The following RIMBP2 variants were observed in gnomAD, a reference collection of about 807,000 sequenced individuals.
RIMBP2 encodes the protein RIMS-binding protein 2.
A neutral mutation model predicts 118.6 loss-of-function variants in RIMBP2; 48 were observed. The observed-to-expected ratio is 0.40, with a 90% confidence interval of 0.32 to 0.51. The LOEUF is 0.51. Among genes scored for constraint, RIMBP2 ranks in the 20% least tolerant of loss-of-function variants. The pLI is 0.41. For missense variants in RIMBP2, 1,551 were observed against 1,768.3 expected, an observed-to-expected ratio of 0.88 and a Z score of 2.20; for synonymous variants, 762 against 742.9, an observed-to-expected ratio of 1.03 and a Z score of -0.42.
rs1213441352 is a variant in RIMBP2 at position 130,523,679 on chromosome 12, TCCA to T, written c.-216-5765_-216-5763del. Among the ~76,000 whole-genome samples the T allele has an allele frequency of 6.6e-6, 1 of 152,148 alleles. No individual in the cohort carries two copies. The highest frequency in any genetic ancestry group is 1.5e-5 in the Non-Finnish European group (1 of 68,010). On this transcript the variant is annotated intron_variant, in intron 2 of 22. Coordinates refer to ENST00000690449, the MANE Select transcript of RIMBP2 (RefSeq NM_001393629.1). This position sits in a 1 kb window ranked among gnomAD's most constrained non-coding sequence, Gnocchi z 4.4. ...CAATTTTATTCATTTCAATAATCCC[TCCA>T]CCACCACCACTGAGTGTGTATGTGT... is the stretch of plus-strand genomic sequence containing the variant.
At chr12:130,549,758 C>T (rs1301970179) in intron 2 of RIMBP2, among the ~76,000 whole-genome samples, 1 of 152,152 alleles carries the variant, frequency 6.6e-6, no homozygotes. Flanking sequence ...CAGTCTGTCA[C>T]TGATGGGTAC....
At chr12:130,535,728 CATATATAT>C (rs1219732658) in intron 2 of RIMBP2, among the ~76,000 whole-genome samples, 26 of 128,060 alleles carry the variant, frequency 2.0e-4, no homozygotes, top group African/African-American at 7.5e-4. Context: ...CATATATATA[CATATATAT>C]ACATATATAT....
At chr12:130,459,416 G>A (rs985937403) in intron 6 of RIMBP2, among the ~76,000 whole-genome samples, 1 of 152,102 alleles carries the variant, frequency 6.6e-6, no homozygotes, top group African/African-American at 2.4e-5. Context: ...CACCACCACC[G>A]GGAAGCAGGA....
chr12:130,669,480 C>T (rs1427896700), intron 1 of RIMBP2, among the ~76,000 whole-genome samples: 3 of 152,196 alleles, frequency 2.0e-5, no homozygotes, highest in East Asian at 1.9e-4. Context: ...GTGCTGTTCT[C>T]GCGAGAGTGA....
intron 16 of RIMBP2, among the ~76,000 whole-genome samples, chr12:130,423,068 C>G (rs2076518232): frequency 6.6e-6 from 1 of 152,218 alleles, no homozygotes; most frequent in African/African-American, 2.4e-5. Context: ...ACTCAACATT[C>G]TACTCCTAAT....
chr12:130,469,602 T>C lies in RIMBP2; in HGVS notation c.153+1091A>G, dbSNP rs2080825670. On this transcript the variant is annotated intron_variant, in intron 6 of 22. Transcript: ENST00000690449. The surrounding 1 kb of genome is among the most constrained non-coding windows in gnomAD (Gnocchi z 4.8). ...CTCCTCCCTCCAGATAGTCATTAAC[T>C]AATGGAGGCTTTCAGAAAATCCATT... Among the ~76,000 whole-genome samples the C allele has an allele frequency of 6.6e-6, 1 of 152,218 alleles. No homozygotes were observed. Among genetic ancestry groups the C allele is most frequent in the Non-Finnish European group, 1.5e-5 (1 of 68,026 alleles).
At chr12:130,437,890 C>T (rs1300420017) in intron 12 of RIMBP2, among the ~76,000 whole-genome samples, 2 of 152,152 alleles carry the variant, frequency 1.3e-5, no homozygotes, top group Non-Finnish European at 2.9e-5. Flanking sequence ...TCTACTTCAC[C>T]CCAGGCAGGG....
chr12:130,713,247 A>AAGGAAGGAAGGAAGGAAGGAAGAT (rs1950080388), intron 1 of RIMBP2, among the ~76,000 whole-genome samples: 1 of 147,870 alleles, frequency 6.8e-6, no homozygotes, highest in African/African-American at 2.6e-5. Flanking sequence ...GGAAGGAAGG[A>AAGGAAGGAAGGAAGGAAGGAAGAT]AGGAAGGAAG....
intron 2 of RIMBP2, among the ~76,000 whole-genome samples, chr12:130,556,718 T>G (rs1295236684): frequency 6.6e-6 from 1 of 152,120 alleles, no homozygotes; most frequent in Non-Finnish European, 1.5e-5. Flanking sequence ...CAACTCAAGA[T>G]GGTGCCATCA....
chr12:130,675,262 G>A (rs1326811519), intron 1 of RIMBP2, among the ~76,000 whole-genome samples: 4 of 152,070 alleles, frequency 2.6e-5, no homozygotes, highest in Non-Finnish European at 4.4e-5. Context: ...GGTGTCTCAC[G>A]CTTCTACCTA....
chr12:130,643,318 T>C (rs984706050), intron 1 of RIMBP2, among the ~76,000 whole-genome samples: 2 of 152,304 alleles, frequency 1.3e-5, no homozygotes, highest in East Asian at 1.9e-4. Flanking sequence ...GTGGAGCATA[T>C]GTCTCCTGTG....
At chr12:130,448,414 G>A (rs1009017982) in intron 9 of RIMBP2, among the ~76,000 whole-genome samples, 3 of 152,182 alleles carry the variant, frequency 2.0e-5, no homozygotes, top group East Asian at 1.9e-4. Flanking sequence ...TGGCAGCCTC[G>A]CTGGACCAGG....
chr12:130,613,582 G>A (rs534304786), intron 2 of RIMBP2, among the ~76,000 whole-genome samples: 8 of 152,292 alleles, frequency 5.3e-5, no homozygotes, highest in Admixed American at 2.0e-4. Flanking sequence ...TTGGGAGGCC[G>A]AGGCAGGTGG....
At position 130,428,317 on chromosome 12, in the gene RIMBP2, G is replaced by T; in HGVS notation, c.2274C>A (p.Asp758Glu). The change falls in exon 15 of 23, where the codon GAC becomes GAA. Residue 758 changes from aspartate (D) to glutamate (E), a missense_variant. Transcript: ENST00000690449. ...LGKQPHCCHG[D>E]EYHTESSRGS... Reference sequence around the variant, plus strand: ...CCCGGCTGCTCTCTGTGTGGTACTCGTCTCCATGGCAACAGTGCGGCTGGG... The same window carrying T: ...CCCGGCTGCTCTCTGTGTGGTACTCTTCTCCATGGCAACAGTGCGGCTGGG... The T allele has an allele frequency of 6.2e-7, 1 of 1,611,358 alleles. No homozygotes were observed. Among genetic ancestry groups the T allele is most frequent in the South Asian group, 1.1e-5 (1 of 90,514 alleles).
At position 130,621,695 on chromosome 12, in the gene RIMBP2, T is replaced by C. The variant is rs2061322605; in HGVS notation, c.-217+6627A>G. Among the ~76,000 whole-genome samples, 1 of 152,188 alleles carries C rather than the reference T, an allele frequency of 6.6e-6. No homozygotes were observed. Among genetic ancestry groups the C allele is most frequent in the South Asian group, 2.1e-4 (1 of 4,816 alleles). On this transcript the variant is annotated intron_variant, in intron 2 of 22. Transcript: ENST00000690449. The surrounding 1 kb of genome is among the most constrained non-coding windows in gnomAD (Gnocchi z 6.6). Reference sequence around the variant, plus strand: ...GTAAATGACATCCCAGGGCCCGAGTTTACCAAGAGACACGAGTGAAATGGA... The same window carrying C: ...GTAAATGACATCCCAGGGCCCGAGTCTACCAAGAGACACGAGTGAAATGGA...
intron 7 of RIMBP2, among the ~76,000 whole-genome samples, chr12:130,455,952 C>T (rs1254572899): frequency 6.6e-6 from 1 of 152,188 alleles, no homozygotes; most frequent in African/African-American, 2.4e-5. Context: ...CTTCTCCCCA[C>T]CCGGCCTCTA....
At chr12:130,520,006 C>A (rs1010231031) in intron 2 of RIMBP2, among the ~76,000 whole-genome samples, 2 of 152,210 alleles carry the variant, frequency 1.3e-5, no homozygotes, top group Non-Finnish European at 2.9e-5. Context: ...GCCTCTTCCA[C>A]GTTCTGCCAC....
rs775758355 is a variant in RIMBP2 at position 130,422,569 on chromosome 12, C to T, written c.3130-8G>A. ...GGCTGGGTTCCCTAAAATCTAAAGA[C>T]AAAACAACAACAAAGTCGTAAGTCT... is the stretch of plus-strand genomic sequence containing the variant. On this transcript the variant is annotated splice_region_variant and splice_polypyrimidine_tract_variant and intron_variant, in intron 16 of 22. Transcript: ENST00000690449. This position sits in a 1 kb window ranked among gnomAD's most constrained non-coding sequence, Gnocchi z 5.2. 3.0e-5 allele frequency: 48 copies of T among 1,585,546 alleles called. No homozygotes were observed. Among genetic ancestry groups the T allele is most frequent in the South Asian group, 2.8e-4 (25 of 87,820 alleles).
At chr12:130,709,387 A>AGCTGGG (rs1272725627) in intron 1 of RIMBP2, among the ~76,000 whole-genome samples, 3 of 152,194 alleles carry the variant, frequency 2.0e-5, no homozygotes, top group African/African-American at 7.2e-5. Flanking sequence ...CCCACACCAC[A>AGCTGGG]GCTGGGGCTG....
Sources: gnomAD v4.1 joint callset for allele counts (sites outside exome capture counted in the v4.1 genomes callset) on GRCh38, gnomAD v4.1.1 for gene constraint, Gnocchi (gnomAD v3.1) non-coding constraint, MANE v1.5 for transcripts, NCBI Gene and HGNC (gene_info 2026-07-23, HGNC 2026-07-21) for gene names.